The following RSPH3 variants were observed in gnomAD, a reference collection of about 807,000 sequenced individuals.
RSPH3 encodes the protein radial spoke head 3.
RSPH3 carries 21 observed loss-of-function variants against 43.8 expected under a neutral mutation model. That is an observed-to-expected ratio of 0.48 (90% CI 0.34 to 0.69). RSPH3 has a LOEUF of 0.69. Ranked by LOEUF, RSPH3 falls within the 30% of genes least tolerant of loss-of-function variation. RSPH3 has a pLI of 0.01. For missense variants in RSPH3, 487 were observed against 516.0 expected (o/e 0.94, Z 0.54); for synonymous variants, 173 against 179.8 (o/e 0.96, Z 0.30).
At chr6:158,963,722 T>A in the RSPH3 span, among the ~76,000 whole-genome samples, 3 of 151,802 alleles carry the variant, frequency 2.0e-5, no homozygotes, top group Non-Finnish European at 4.4e-5. Context: ...CCCAAGCAGG[T>A]GGGACTACAG....
the RSPH3 span, among the ~76,000 whole-genome samples, chr6:158,963,246 T>C: frequency 6.6e-6 from 1 of 152,342 alleles, no homozygotes; most frequent in South Asian, 2.1e-4. Flanking sequence ...TACTCAATTT[T>C]GGTGGTGAAA....
At chr6:158,998,626 C>T (rs886817435) in intron 1 of RSPH3, among the ~76,000 whole-genome samples, 4 of 151,538 alleles carry the variant, frequency 2.6e-5, no homozygotes, top group Non-Finnish European at 4.4e-5. Context: ...GAGGCCGAGG[C>T]GGGCGGATCA....
intron 1 of RSPH3, among the ~76,000 whole-genome samples, chr6:158,994,455 C>T (rs979576379): frequency 1.3e-5 from 2 of 151,980 alleles, no homozygotes; most frequent in Non-Finnish European, 2.9e-5. Flanking sequence ...TACTATTTTC[C>T]AGCCTGGCCA....
downstream of RSPH3, chr6:158,972,751 T>G (rs1245173491): frequency 6.6e-6 from 1 of 152,250 alleles, no homozygotes; most frequent in Non-Finnish European, 1.5e-5. Flanking sequence ...AATATTTTTA[T>G]GCTAAAATTT....
At chr6:158,978,602 G>A (rs867786328) in intron 6 of RSPH3, among the ~76,000 whole-genome samples, 4 of 151,938 alleles carry the variant, frequency 2.6e-5, no homozygotes, top group South Asian at 2.1e-4. Flanking sequence ...GTGCGGTGGC[G>A]CGATCTCTGC....
Position 158,988,876 on chromosome 6 carries a change from T to A in RSPH3, c.205-2455A>T, listed in dbSNP as rs1182985992. 2.6e-5 allele frequency among the ~76,000 whole-genome samples: 4 copies of A among 152,156 alleles called. No homozygotes were observed. In the East Asian group the frequency reaches 7.7e-4, roughly 29 times the overall value. On this transcript the variant is annotated intron_variant, in intron 2 of 7. Coordinates refer to ENST00000367069, the MANE Select transcript of RSPH3 (RefSeq NM_031924.8). ...GTCAAAGAGCTCACATCCTGCCATC[T>A]CATTAGGGCCAGTTACTGATTCCTT...
At chr6:158,985,018 C>T (rs1778181943) in intron 3 of RSPH3, among the ~76,000 whole-genome samples, 1 of 152,214 alleles carries the variant, frequency 6.6e-6, no homozygotes, top group Non-Finnish European at 1.5e-5. Context: ...GATCCACTCA[C>T]CATCTTGGAA....
chr6:158,998,788 T>A (rs113090409), intron 1 of RSPH3, among the ~76,000 whole-genome samples: 6 of 89,020 alleles, frequency 6.7e-5, no homozygotes, highest in African/African-American at 2.7e-4. Flanking sequence ...CGGGGAGGAG[T>A]GGGGGAGGGG....
At chr6:158,980,214 C>A (rs934747877) in intron 6 of RSPH3, among the ~76,000 whole-genome samples, 1 of 152,156 alleles carries the variant, frequency 6.6e-6, no homozygotes, top group African/African-American at 2.4e-5. Flanking sequence ...GCAGGCGGAT[C>A]ACTTGAGGTC....
At chr6:158,992,191 T>G (rs1178889609) in intron 2 of RSPH3, among the ~76,000 whole-genome samples, 1 of 152,122 alleles carries the variant, frequency 6.6e-6, no homozygotes, top group African/African-American at 2.4e-5. Flanking sequence ...TAACTTCTTT[T>G]TAATCACGTA....
chr6:158,983,397 A>G (rs953100639), intron 4 of RSPH3, among the ~76,000 whole-genome samples: 2 of 152,228 alleles, frequency 1.3e-5, no homozygotes, highest in Admixed American at 1.3e-4. Context: ...TTAAGCAAGC[A>G]TATAAACAAA....
chr6:158,963,265 G>T, the RSPH3 span, among the ~76,000 whole-genome samples: 1 of 152,044 alleles, frequency 6.6e-6, no homozygotes, highest in Admixed American at 6.6e-5. Flanking sequence ...AATTAGGAGA[G>T]ATCTTTTTTC....
At chr6:158,968,004 T>C (rs945927832), downstream of RSPH3, among the ~76,000 whole-genome samples, 3 of 152,212 alleles carry the variant, frequency 2.0e-5, no homozygotes, top group Non-Finnish European at 4.4e-5. Context: ...TGGGTTATTT[T>C]TAATAAAAAC....
rs750427439 is a variant in RSPH3 at position 158,986,365 on chromosome 6, A to G, written c.261T>C (p.Ala87=). The change falls in exon 3 of 8, where the codon GCT becomes GCC. Residue 87 remains alanine, a synonymous_variant. Transcript: ENST00000367069. The part of the protein sequence containing the change: ...LQRQREARKR[A]LARKQAQEQL... ...GCTCTTGGGCTTGTTTTCTGGCAAG[A>G]GCCCTCTTCCTAGCCTCCCGTTGTC... is the stretch of plus-strand genomic sequence containing the variant. 1 of 1,614,130 alleles carries G rather than the reference A, an allele frequency of 6.2e-7. No individual in the cohort carries two copies. The highest frequency in any genetic ancestry group is 1.1e-5 in the South Asian group (1 of 91,084).
Position 159,000,044 on chromosome 6 carries a change from G to A in RSPH3, c.-494C>T. 6.9e-7 allele frequency: 1 copy of A among 1,457,534 alleles called. No individual in the cohort carries two copies. The highest frequency in any genetic ancestry group is 1.9e-4 in the Middle Eastern group (1 of 5,392). The allele number at this position is 1,457,534 out of a possible 1,614,324, so 90.3% of individuals were successfully genotyped here. ...TTTGGAATGTGGCTTTGCAGGGCTGGTGTTGGCGCCATTCTCGCAGGCCCA... is the reference window on the plus strand; with the variant it reads ...TTTGGAATGTGGCTTTGCAGGGCTGATGTTGGCGCCATTCTCGCAGGCCCA... On this transcript the variant is annotated 5_prime_UTR_variant, in exon 1 of 8. Coordinates refer to ENST00000367069, the MANE Select transcript of RSPH3 (RefSeq NM_031924.8).
At chr6:158,965,380 C>T in the RSPH3 span, among the ~76,000 whole-genome samples, 5 of 152,134 alleles carry the variant, frequency 3.3e-5, no homozygotes, top group Admixed American at 6.5e-5. Flanking sequence ...GGGAGTCCTG[C>T]CATCTTTACA....
Position 158,999,972 on chromosome 6 carries a change from G to A in RSPH3, c.-422C>T, listed in dbSNP as rs565392186. The A allele has an allele frequency of 1.3e-6, 2 of 1,591,648 alleles. No individual in the cohort carries two copies. Among genetic ancestry groups the A allele is most frequent in the Non-Finnish European group, 1.7e-6 (2 of 1,168,194 alleles). On this transcript the variant is annotated 5_prime_UTR_variant, in exon 1 of 8. The change creates a new upstream start codon in the 5' untranslated region. Coordinates refer to ENST00000367069, the MANE Select transcript of RSPH3 (RefSeq NM_031924.8). ...GGAGGCGGCCTTGGCTGGCTTGACC[G>A]TCATCCTTGAGGCCTGCGGGGCAAC...
intron 2 of RSPH3, 25 bp from the exon 3 acceptor site, chr6:158,986,446 A>G (rs1314582489): frequency 6.3e-7 from 1 of 1,587,358 alleles, no homozygotes; most frequent in Admixed American, 1.8e-5. Flanking sequence ...AAATACTTCT[A>G]GAATTTAGAA....
At chr6:158,992,192 T>C (rs1778433510) in intron 2 of RSPH3, among the ~76,000 whole-genome samples, 1 of 152,114 alleles carries the variant, frequency 6.6e-6, no homozygotes. Context: ...AACTTCTTTT[T>C]AATCACGTAT....
Sources: gnomAD v4.1 joint callset for allele counts (sites outside exome capture counted in the v4.1 genomes callset) on GRCh38, gnomAD v4.1.1 for gene constraint, MANE v1.5 for transcripts, NCBI Gene and HGNC (gene_info 2026-07-23, HGNC 2026-07-21) for gene names.